Variants in NRXN3 observed in about 807,000 individuals in gnomAD.
NRXN3 encodes the protein neurexin 3, also known as neurexin III.
Under a neutral mutation model 137.6 loss-of-function variants are expected in NRXN3, and 32 were observed. The observed-to-expected ratio is 0.23, with a 90% CI of 0.18 to 0.31. The LOEUF is 0.31. Among genes scored for constraint, NRXN3 ranks in the 10% least tolerant of loss-of-function variants. The pLI, the probability that NRXN3 is intolerant of heterozygous loss-of-function variation, is 1.00. For synonymous variants in NRXN3, 798 were observed against 784.5 expected (o/e 1.02, Z -0.29); for missense variants, 1,574 against 2,062.5 (o/e 0.76, Z 4.59).
At chr14:78,897,331 A>G (rs2099180024) in intron 10 of NRXN3, among the ~76,000 whole-genome samples, 3 of 151,952 alleles carry the variant, frequency 2.0e-5, no homozygotes, top group Non-Finnish European at 4.4e-5. Flanking sequence ...ACATCACAGT[A>G]ACAGTAGGAG....
At chr14:78,386,761 T>C in intron 4 of NRXN3, among the ~76,000 whole-genome samples, 1 of 152,046 alleles carries the variant, frequency 6.6e-6, no homozygotes, top group Non-Finnish European at 1.5e-5. Context: ...GTTGATCAGG[T>C]TATAGTTTAT....
chr14:79,072,861 G>A (rs1409607585), intron 15 of NRXN3, among the ~76,000 whole-genome samples: 3 of 150,282 alleles, frequency 2.0e-5, no homozygotes, highest in Non-Finnish European at 4.4e-5. Flanking sequence ...TTTCCATGTG[G>A]TATGTGTTTT....
intron 15 of NRXN3, among the ~76,000 whole-genome samples, chr14:79,299,591 T>G (rs1462055445): frequency 6.6e-6 from 1 of 152,094 alleles, no homozygotes; most frequent in Non-Finnish European, 1.5e-5. Flanking sequence ...ATGGCCATTA[T>G]AAAACCTATA....
intron 15 of NRXN3, among the ~76,000 whole-genome samples, chr14:79,060,826 T>C (rs564436740): frequency 5.9e-5 from 9 of 152,208 alleles, no homozygotes; most frequent in African/African-American, 1.9e-4. Flanking sequence ...TATGAGTGTG[T>C]TGTGTTACAG....
intron 4 of NRXN3, among the ~76,000 whole-genome samples, chr14:78,542,761 C>A (rs1204819424): frequency 1.3e-5 from 2 of 152,196 alleles, no homozygotes; most frequent in Non-Finnish European, 2.9e-5. Context: ...AATCACCCAT[C>A]TTCTGCATCG....
At chr14:78,507,184 A>G (rs1222234331) in intron 4 of NRXN3, among the ~76,000 whole-genome samples, 4 of 152,174 alleles carry the variant, frequency 2.6e-5, no homozygotes, top group African/African-American at 9.7e-5. Flanking sequence ...GACATTTCAT[A>G]AGCTACCTCA....
chr14:78,518,795 C>T (rs980059347), intron 4 of NRXN3, among the ~76,000 whole-genome samples: 12 of 152,056 alleles, frequency 7.9e-5, no homozygotes, highest in African/African-American at 2.9e-4. Context: ...GGGGGTAATC[C>T]TCAAGTTTTC....
At chr14:79,403,405 G>A (rs1485435113) in intron 15 of NRXN3, among the ~76,000 whole-genome samples, 1 of 152,134 alleles carries the variant, frequency 6.6e-6, no homozygotes, top group East Asian at 1.9e-4. Flanking sequence ...AGCTCAGTAG[G>A]GGGAAGGAAA....
intron 16 of NRXN3, among the ~76,000 whole-genome samples, chr14:79,496,431 G>A (rs527274170): frequency 6.6e-6 from 1 of 152,238 alleles, no homozygotes; most frequent in Non-Finnish European, 1.5e-5. Flanking sequence ...TATTTTCAGA[G>A]ACCAAAAATA....
intron 15 of NRXN3, among the ~76,000 whole-genome samples, chr14:79,393,125 C>T (rs2094908905): frequency 6.6e-6 from 1 of 151,912 alleles, no homozygotes. Context: ...TAATGAGGAA[C>T]CTGGCTAATA....
At chr14:78,234,846 A>G (rs1472146113) in intron 1 of NRXN3, among the ~76,000 whole-genome samples, 3 of 151,852 alleles carry the variant, frequency 2.0e-5, no homozygotes, top group Non-Finnish European at 4.4e-5. Context: ...CTTTCAGCTT[A>G]CCTACACCTT....
At chr14:78,611,248 C>T (rs2097297845) in intron 4 of NRXN3, among the ~76,000 whole-genome samples, 1 of 152,184 alleles carries the variant, frequency 6.6e-6, no homozygotes, top group Non-Finnish European at 1.5e-5. Flanking sequence ...TGAAATGCTT[C>T]AGCAGAAGGC....
intron 15 of NRXN3, among the ~76,000 whole-genome samples, chr14:79,221,599 G>T (rs1261533736): frequency 6.6e-6 from 1 of 152,040 alleles, no homozygotes; most frequent in Non-Finnish European, 1.5e-5. Flanking sequence ...TGATGGGGTT[G>T]TTTGTTTTTT....
chr14:78,810,711 A>G (rs1223366179), intron 10 of NRXN3, among the ~76,000 whole-genome samples: 1 of 152,206 alleles, frequency 6.6e-6, no homozygotes, highest in Non-Finnish European at 1.5e-5. Flanking sequence ...ACCAGCATGC[A>G]CTTCTCCACT....
chr14:79,044,345 G>A (rs534036907), intron 15 of NRXN3, among the ~76,000 whole-genome samples: 2 of 152,312 alleles, frequency 1.3e-5, no homozygotes, highest in East Asian at 3.9e-4. Flanking sequence ...GGTGTCCTGA[G>A]TTTTGAGTTA....
chr14:79,034,359 C>CACACACACACACACACACACACACA (rs2099612700), intron 15 of NRXN3, among the ~76,000 whole-genome samples: 1 of 151,406 alleles, frequency 6.6e-6, no homozygotes, highest in Non-Finnish European at 1.5e-5. Context: ...TACACACACA[C>CACACACACACACACACACACACACA]ACACACACAC....
chr14:79,399,174 A>G (rs994358604), intron 15 of NRXN3, among the ~76,000 whole-genome samples: 1 of 152,142 alleles, frequency 6.6e-6, no homozygotes, highest in Non-Finnish European at 1.5e-5. Flanking sequence ...TTGACTTTCC[A>G]TTTAGATGCC....
chr14:78,248,106 CT>C, intron 2 of NRXN3, among the ~76,000 whole-genome samples: 1 of 152,306 alleles, frequency 6.6e-6, no homozygotes, highest in African/African-American at 2.4e-5. Flanking sequence ...AAGTTGATTA[CT>C]TGTCTTCTGT....
At chr14:78,681,565 T>A (rs1602350065) in intron 6 of NRXN3, among the ~76,000 whole-genome samples, 1 of 152,252 alleles carries the variant, frequency 6.6e-6, no homozygotes, top group East Asian at 1.9e-4. Context: ...GAAACATAAG[T>A]ATTTTTCGTT....
Sources: gnomAD v4.1 joint callset for allele counts (sites outside exome capture counted in the v4.1 genomes callset) on GRCh38, gnomAD v4.1.1 for gene constraint, MANE v1.5 for transcripts, NCBI Gene and HGNC (gene_info 2026-07-23, HGNC 2026-07-21) for gene names.